Variants in WDR47 observed in about 807,000 individuals in gnomAD.
WDR47 encodes the protein WD repeat domain 47, also known as WD repeat-containing protein 47.
WDR47 carries 32 observed loss-of-function variants against 97.2 expected under a neutral mutation model. The observed-to-expected ratio is 0.33, with a 90% CI of 0.25 to 0.44. WDR47 has a LOEUF of 0.44. Among genes scored for constraint, WDR47 ranks in the 20% least tolerant of loss-of-function variants. The pLI, the probability that WDR47 is intolerant of heterozygous loss-of-function variation, is 1.00. For missense variants in WDR47, 782 were observed against 1,102.3 expected, an observed-to-expected ratio of 0.71 and a Z score of 4.11; for synonymous variants, 375 against 373.5, an observed-to-expected ratio of 1.00 and a Z score of -0.05.
chr1:109,028,296 C>CA, intron 1 of WDR47, among the ~76,000 whole-genome samples: 1 of 151,436 alleles, frequency 6.6e-6, no homozygotes, highest in Middle Eastern at 3.4e-3. Context: ...GCAATCCTCC[C>CA]ACCTCAGCCT....
intron 7 of WDR47, among the ~76,000 whole-genome samples, chr1:109,000,949 T>A (rs1278344852): frequency 6.6e-6 from 1 of 152,184 alleles, no homozygotes; most frequent in African/African-American, 2.4e-5. Flanking sequence ...TCACTTAATC[T>A]TCCAACAATC....
At position 108,982,669 on chromosome 1, in the gene WDR47, T is replaced by G. The variant is rs1538137; in HGVS notation, c.2206A>C (p.Asn736His). The change falls in exon 12 of 15, where the codon AAC (asparagine) becomes CAC (histidine). Residue 736 changes from asparagine (N) to histidine (H), a missense_variant. Physicochemically the swap from Asn to His is moderately conservative, Grantham distance 68. Coordinates refer to ENST00000369962, the MANE Select transcript of WDR47 (RefSeq NM_001142551.2). Reference protein sequence around the residue: ...ILISAGAGDCNIYTTDCQRGQ... With the variant: ...ILISAGAGDCHIYTTDCQRGQ... ...CTTTGACAATCGGTTGTATAAATGT[T>G]ACAATCCCCTGCTCCAGCACTTATT... 15 of 1,614,004 alleles carry G rather than the reference T, an allele frequency of 9.3e-6. No homozygotes were observed. In the South Asian group the frequency reaches 1.6e-4, roughly 18 times the overall value.
intron 7 of WDR47, among the ~76,000 whole-genome samples, chr1:108,997,883 A>G (rs1659883491): frequency 6.6e-6 from 1 of 152,140 alleles, no homozygotes; most frequent in African/African-American, 2.4e-5. Flanking sequence ...GATTCAATAT[A>G]AGAAAGGACT....
chr1:109,039,254 CTTTT>C (rs751521674), intron 1 of WDR47, among the ~76,000 whole-genome samples: 1 of 146,144 alleles, frequency 6.8e-6, no homozygotes, highest in Non-Finnish European at 1.5e-5. Context: ...GGTATAAATC[CTTTT>C]TTTTTTTCTT....
At chr1:108,993,403 A>T (rs1430541116) in intron 8 of WDR47, among the ~76,000 whole-genome samples, 2 of 152,178 alleles carry the variant, frequency 1.3e-5, no homozygotes, top group Non-Finnish European at 2.9e-5. Context: ...AAGATCATGT[A>T]GCAATGCTTT....
chr1:109,021,032 C>T lies in WDR47; in HGVS notation c.158+2323G>A, dbSNP rs1274786144. On this transcript the variant is annotated intron_variant, in intron 2 of 14. Transcript: ENST00000369962. ...TTCCAAGTCACAAAATGCCACATGT[C>T]CAAGAATCTGTACTTCTTGTCAAGG... Among the ~76,000 whole-genome samples, 7 of 152,114 alleles carry T rather than the reference C, an allele frequency of 4.6e-5. 2 individuals carry two copies. Among genetic ancestry groups the T allele is most frequent in the Admixed American group, 3.9e-4 (6 of 15,246 alleles).
chr1:109,033,962 T>C (rs975338772), intron 1 of WDR47, among the ~76,000 whole-genome samples: 1 of 152,130 alleles, frequency 6.6e-6, no homozygotes, highest in African/African-American at 2.4e-5. Flanking sequence ...GGACTGACTT[T>C]TTGAGAGAAT....
chr1:109,008,207 C>T (rs1158586463), intron 5 of WDR47, among the ~76,000 whole-genome samples: 2 of 152,096 alleles, frequency 1.3e-5, no homozygotes, highest in African/African-American at 4.8e-5. Flanking sequence ...AATATCACAA[C>T]TCTCTCCTCT....
chr1:109,022,638 G>A (rs1404368681), intron 2 of WDR47, among the ~76,000 whole-genome samples: 1 of 152,108 alleles, frequency 6.6e-6, no homozygotes, highest in Non-Finnish European at 1.5e-5. Context: ...AGGCTGGAGT[G>A]CAACGGTGCG....
At chr1:108,993,717 G>A (rs1659541538) in intron 8 of WDR47, among the ~76,000 whole-genome samples, 1 of 152,028 alleles carries the variant, frequency 6.6e-6, no homozygotes, top group Non-Finnish European at 1.5e-5. Context: ...CATCTCCCAA[G>A]GGGAAAAAAT....
Position 109,007,963 on chromosome 1 carries a change from A to T in WDR47, c.1130+2953T>A, listed in dbSNP as rs190853408. On this transcript the variant is annotated intron_variant, in intron 5 of 14. Coordinates refer to ENST00000369962, the MANE Select transcript of WDR47 (RefSeq NM_001142551.2). The stretch of plus-strand genomic sequence containing the variant: ...CTAAAAATACAAAAATTAGCCAGGC[A>T]CAGTGGCGGGCGCCTGTAATCCCAG... 9.2e-5 allele frequency among the ~76,000 whole-genome samples: 14 copies of T among 152,092 alleles called. No homozygotes were observed. The East Asian group carries it at 2.1e-3, about 23-fold the overall frequency.
At chr1:109,036,579 G>T (rs543997463) in intron 1 of WDR47, among the ~76,000 whole-genome samples, 73 of 148,438 alleles carry the variant, frequency 4.9e-4, no homozygotes, top group African/African-American at 1.8e-3. Context: ...GCTCACACCT[G>T]TAATCTCACC....
At chr1:108,979,385 G>T (rs1220163785) in intron 13 of WDR47, among the ~76,000 whole-genome samples, 1 of 152,206 alleles carries the variant, frequency 6.6e-6, no homozygotes, top group Non-Finnish European at 1.5e-5. Context: ...GAGGGGCTGG[G>T]CAGGGTGGTG....
rs1449387559 is a variant in WDR47, at chr1:109,004,658, T to C, written c.1188A>G (p.Ser396=). ...PIGSEILGQS[S]VSEKEPANGA... ...CATTTGCAGGCTCTTTTTCTGAAACTGAACTCTGGCCCAAGATTTCACTGC... is the reference window on the plus strand; with the variant it reads ...CATTTGCAGGCTCTTTTTCTGAAACCGAACTCTGGCCCAAGATTTCACTGC... Residue 396 remains serine, a synonymous_variant, in exon 6 of 15, where the codon TCA becomes TCG. Transcript: ENST00000369962. 2.5e-6 allele frequency: 4 copies of C among 1,613,688 alleles called. No homozygotes were observed. The highest frequency in any genetic ancestry group is 3.4e-6 in the Non-Finnish European group (4 of 1,179,844).
In WDR47 at chr1:109,016,801, CAA is replaced by C. The variant is rs572038974; in HGVS notation, c.242+715_242+716del. On this transcript the variant is annotated intron_variant, in intron 3 of 14. Coordinates refer to ENST00000369962, the MANE Select transcript of WDR47 (RefSeq NM_001142551.2). Reference sequence around the variant, plus strand: ...AATTAGATATAGTTAAAAAAAAAAACAAAAAGTGACTCCCAGTTAGGAGAAAA... The same window carrying C: ...AATTAGATATAGTTAAAAAAAAAAACAAAGTGACTCCCAGTTAGGAGAAAA... 7.4e-3 allele frequency among the ~76,000 whole-genome samples: 1,090 copies of C among 147,072 alleles called. 14 individuals carry two copies. Among genetic ancestry groups the C allele is most frequent in the African/African-American group, 0.026 (1,053 of 40,360 alleles).
At chr1:109,016,838 T>A (rs1457360010) in intron 3 of WDR47, among the ~76,000 whole-genome samples, 1 of 150,392 alleles carries the variant, frequency 6.6e-6, no homozygotes, top group Non-Finnish European at 1.5e-5. Flanking sequence ...AGGCAATCAT[T>A]AGAAACTGAG....
chr1:108,989,740 G>A (rs745437073), intron 9 of WDR47, among the ~76,000 whole-genome samples: 3 of 152,184 alleles, frequency 2.0e-5, no homozygotes, highest in Admixed American at 6.5e-5. Context: ...TGTTGCCTAG[G>A]CTGGAGTGAA....
Position 108,971,304 on chromosome 1 carries a change from GT to G in WDR47, c.*125del, listed in dbSNP as rs985931396. 7 of 1,294,622 alleles carry G rather than the reference GT, an allele frequency of 5.4e-6. No individual in the cohort carries two copies. In the Admixed American group the frequency reaches 8.5e-5, roughly 16 times the overall value. 80.2% of individuals were successfully genotyped at this position (1,294,622 alleles called of 1,614,324 possible). ...ACACCTCCTATCAGTGGGATACATG[GT>G]AATAAGGGGCCTCTTCGTGCTAAAC... On this transcript the variant is annotated 3_prime_UTR_variant, in exon 15 of 15. Transcript: ENST00000369962.
intron 2 of WDR47, among the ~76,000 whole-genome samples, chr1:109,017,813 C>A (rs904073775): frequency 6.6e-6 from 1 of 150,800 alleles, no homozygotes; most frequent in African/African-American, 2.4e-5. Flanking sequence ...ATGGCACAAT[C>A]TCGGCTCACT....
Sources: allele counts gnomAD v4.1 joint callset (sites outside exome capture counted in the v4.1 genomes callset), GRCh38; gene constraint gnomAD v4.1.1; transcripts MANE v1.5; gene names NCBI Gene and HGNC (gene_info 2026-07-23, HGNC 2026-07-21).